Variants in PAK4 observed in about 807,000 individuals in gnomAD.
The protein encoded by PAK4 is serine/threonine-protein kinase PAK 4.
In PAK4, 49 loss-of-function variants were observed where a neutral mutation model predicts 53.5. The observed-to-expected ratio is 0.92, with a 90% CI of 0.73 to 1.16. The LOEUF is 1.16. PAK4 is among the 50% of genes most tolerant of loss of function. PAK4 has a pLI of 0.00. For synonymous variants in PAK4, 376 were observed against 375.6 expected, an observed-to-expected ratio of 1.00 and a Z score of -0.01; for missense variants, 824 against 850.7, an observed-to-expected ratio of 0.97 and a Z score of 0.39.
chr19:39,140,626 G>A (rs2073893490), intron 1 of PAK4, among the ~76,000 whole-genome samples: 1 of 152,156 alleles, frequency 6.6e-6, no homozygotes, highest in Non-Finnish European at 1.5e-5. Context: ...ATTATTTGAT[G>A]GGACTAGGGG....
intron 1 of PAK4, among the ~76,000 whole-genome samples, chr19:39,143,574 C>T (rs1427882305): frequency 1.0e-5 from 1 of 97,766 alleles, no homozygotes; most frequent in Non-Finnish European, 1.8e-5. Context: ...GCCTGGGTGA[C>T]AGAGCAAGAC....
rs1320327865 is a variant in PAK4, at chr19:39,173,503, GTCTC to G, written c.664-68_664-65del. 5 of 1,385,354 alleles carry G rather than the reference GTCTC, an allele frequency of 3.6e-6. No individual in the cohort carries two copies. The East Asian group carries it at 7.0e-5, about 19-fold the overall frequency. The allele number at this position is 1,385,354 out of a possible 1,614,324, so 85.8% of individuals were successfully genotyped here. A position where few individuals can be genotyped will look rare whatever the true frequency, so the allele number is the denominator to read the frequency against. On this transcript the variant is annotated intron_variant, in intron 3 of 8. Transcript: ENST00000358301. This position sits in a 1 kb window ranked among gnomAD's most constrained non-coding sequence, Gnocchi z 6.9. ...ACCCATGTGTCTGTCCCATCGCTGG[GTCTC>G]TCTCCTGCTTAGGGAGCAGAGCTGC...
Position 39,175,123 on chromosome 19 carries a change from G to C in PAK4, c.1232+59G>C. On this transcript the variant is annotated intron_variant, in intron 5 of 8. Transcript: ENST00000358301. The surrounding 1 kb of genome is among the most constrained non-coding windows in gnomAD (Gnocchi z 4.7). Reference sequence around the variant, plus strand: ...CGACCAAGTCCCCTCCAGACCACTAGGGGTGGGGCCACATCTCCAAACCAG... The same window carrying C: ...CGACCAAGTCCCCTCCAGACCACTACGGGTGGGGCCACATCTCCAAACCAG... 1 of 1,557,156 alleles carries C rather than the reference G, an allele frequency of 6.4e-7. No homozygotes were observed. The highest frequency in any genetic ancestry group is 1.2e-5 in the South Asian group (1 of 81,916).
chr19:39,156,742 A>AT (rs2074190044), intron 1 of PAK4: 1 of 152,102 alleles, frequency 6.6e-6, no homozygotes, highest in Non-Finnish European at 1.5e-5. Context: ...GCCCATGTTG[A>AT]GGGCCTGGGG....
At chr19:39,141,127 C>G (rs1168614568) in intron 1 of PAK4, among the ~76,000 whole-genome samples, 1 of 152,152 alleles carries the variant, frequency 6.6e-6, no homozygotes, top group South Asian at 2.1e-4. Flanking sequence ...AGAATAGTCT[C>G]GCGCCCTCCT....
At chr19:39,153,623 G>A (rs2074130071) in intron 1 of PAK4, among the ~76,000 whole-genome samples, 1 of 152,154 alleles carries the variant, frequency 6.6e-6, no homozygotes, top group Non-Finnish European at 1.5e-5. Flanking sequence ...TATATTTTTA[G>A]TAGAGACGGA....
At chr19:39,172,380 C>T (rs897214721) in intron 2 of PAK4, among the ~76,000 whole-genome samples, 12 of 152,142 alleles carry the variant, frequency 7.9e-5, no homozygotes, top group African/African-American at 2.9e-4. Context: ...ATTTGCCACC[C>T]GGCTCCTGGG....
In PAK4 at chr19:39,169,770, C is replaced by T. The variant is rs1304634843; in HGVS notation, c.204+13C>T. On this transcript the variant is annotated intron_variant, in intron 2 of 8. Coordinates refer to ENST00000358301, the Ensembl canonical transcript of PAK4. ...CGGGGCCCCCAAGGTATGTGGCACCCACCACCACCTCCCCCAGCCCACCCC... is the reference window on the plus strand; with the variant it reads ...CGGGGCCCCCAAGGTATGTGGCACCTACCACCACCTCCCCCAGCCCACCCC... 6.3e-7 allele frequency: 1 copy of T among 1,576,338 alleles called. No homozygotes were observed. Among genetic ancestry groups the T allele is most frequent in the East Asian group, 2.3e-5 (1 of 44,224 alleles).
chr19:39,143,877 TG>T, intron 1 of PAK4, among the ~76,000 whole-genome samples: 3 of 148,578 alleles, frequency 2.0e-5, no homozygotes, highest in African/African-American at 5.2e-5. Flanking sequence ...GAGGCTGAGG[TG>T]GGAGGATTGC....
rs2074578598 is a variant in PAK4, at chr19:39,175,211, G to A, written c.1233-101G>A. 36 of 1,471,720 alleles carry A rather than the reference G, an allele frequency of 2.4e-5. No homozygotes were observed. Among genetic ancestry groups the A allele is most frequent in the African/African-American group, 2.8e-5 (2 of 72,052 alleles). The allele number at this position is 1,471,720 out of a possible 1,614,324, so 91.2% of individuals were successfully genotyped here. ...ATTCCTCCCACTCCAGAGTGGGGTC[G>A]AGTGGTCTCAGATTCCTCCCACTGC... On this transcript the variant is annotated intron_variant, in intron 5 of 8. Coordinates refer to ENST00000358301, the Ensembl canonical transcript of PAK4. This position sits in a 1 kb window ranked among gnomAD's most constrained non-coding sequence, Gnocchi z 4.7.
chr19:39,173,772 C>T lies in PAK4; in HGVS notation c.860C>T (p.Pro287Leu). Reference sequence around the variant, plus strand: ...GCCGCCCCTGCTGTTCCTGGGCCCCCTGGCCCCCGCTCACCACAGCGGGAG... The same window carrying T: ...GCCGCCCCTGCTGTTCCTGGGCCCCTTGGCCCCCGCTCACCACAGCGGGAG... The change falls in exon 4 of 9, where the codon CCT becomes CTT. Residue 287 changes from proline to leucine, a missense_variant. Pro to Leu is a moderately conservative substitution (Grantham distance 98, BLOSUM62 -3). Transcript: ENST00000358301. This position sits in a 1 kb window ranked among gnomAD's most constrained non-coding sequence, Gnocchi z 6.9. The T allele has an allele frequency of 2.5e-6, 4 of 1,596,548 alleles. No individual in the cohort carries two copies. The highest frequency in any genetic ancestry group is 3.4e-6 in the Non-Finnish European group (4 of 1,173,016).
chr19:39,175,604 C>T lies in PAK4; in HGVS notation c.1359+166C>T, dbSNP rs564215642. Reference sequence around the variant, plus strand: ...TGGTGGAGCAGCCCAGAGTCAGGTTCCAGCTCAGTGGGGACTCTGTGCAGT... The same window carrying T: ...TGGTGGAGCAGCCCAGAGTCAGGTTTCAGCTCAGTGGGGACTCTGTGCAGT... On this transcript the variant is annotated intron_variant, in intron 6 of 8. Coordinates refer to ENST00000358301, the Ensembl canonical transcript of PAK4. The surrounding 1 kb of genome is among the most constrained non-coding windows in gnomAD (Gnocchi z 4.7). Among the ~76,000 whole-genome samples the T allele has an allele frequency of 6.6e-6, 1 of 152,292 alleles. No homozygotes were observed. The highest frequency in any genetic ancestry group is 2.1e-4 in the South Asian group (1 of 4,826).
chr19:39,151,366 C>T lies in PAK4; in HGVS notation c.-22-18166C>T, dbSNP rs758381471. Reference sequence around the variant, plus strand: ...GAGATCAGAGAGACTGGCCACGCCCCGTGCTGCAAGGCCGAGGGGAGATAG... The same window carrying T: ...GAGATCAGAGAGACTGGCCACGCCCTGTGCTGCAAGGCCGAGGGGAGATAG... On this transcript the variant is annotated intron_variant, in intron 1 of 8. Transcript: ENST00000358301. Among the ~76,000 whole-genome samples, 17 of 152,368 alleles carry T rather than the reference C, an allele frequency of 1.1e-4. No homozygotes were observed. In the East Asian group the frequency reaches 1.3e-3, roughly 12 times the overall value.
chr19:39,182,816 C>T (rs1485852883), downstream of PAK4: 2 of 116,896 alleles, frequency 1.7e-5, no homozygotes, highest in Non-Finnish European at 3.5e-5. Flanking sequence ...GAGATTCTGT[C>T]AAAAAAAAAA....
intron 1 of PAK4, among the ~76,000 whole-genome samples, chr19:39,137,870 G>A (rs1179584272): frequency 6.6e-6 from 1 of 152,014 alleles, no homozygotes; most frequent in Non-Finnish European, 1.5e-5. Flanking sequence ...GCTTTGCCGT[G>A]TTAGCCAGGA....
intron 1 of PAK4, among the ~76,000 whole-genome samples, chr19:39,133,332 A>G (rs181452442): frequency 5.9e-5 from 9 of 152,288 alleles, no homozygotes; most frequent in East Asian, 1.9e-4. Flanking sequence ...TATTATAGCT[A>G]TGTCACCAAT....
rs748235690 is a variant in PAK4, at chr19:39,173,268, C to T, written c.555C>T (p.Val185=). 5.0e-6 allele frequency: 8 copies of T among 1,599,516 alleles called. No homozygotes were observed. Among genetic ancestry groups the T allele is most frequent in the Middle Eastern group, 1.7e-4 (1 of 6,040 alleles). ...AACGCCCCCTCTCCGGGCCTGATGT[C>T]GGCACCCCCCAGCCTGCTGGTCTGG... The change falls in exon 3 of 9, where the codon GTC becomes GTT. Residue 185 remains valine (V), a synonymous_variant. Coordinates refer to ENST00000358301, the Ensembl canonical transcript of PAK4. This position sits in a 1 kb window ranked among gnomAD's most constrained non-coding sequence, Gnocchi z 6.9.
chr19:39,160,505 C>T (rs1775611752), intron 1 of PAK4, among the ~76,000 whole-genome samples: 1 of 152,126 alleles, frequency 6.6e-6, no homozygotes, highest in South Asian at 2.1e-4. Context: ...GTCAGGCAGC[C>T]TCTCGGAGGA....
intron 1 of PAK4, among the ~76,000 whole-genome samples, chr19:39,163,415 GT>G (rs1182769936): frequency 6.6e-6 from 1 of 152,122 alleles, no homozygotes; most frequent in Non-Finnish European, 1.5e-5. Flanking sequence ...GGAGGTAAGG[GT>G]TTTTGCACGC....
Sources: allele counts gnomAD v4.1 joint callset (sites outside exome capture counted in the v4.1 genomes callset), GRCh38; gene constraint gnomAD v4.1.1; non-coding constraint Gnocchi (gnomAD v3.1); transcripts MANE v1.5; gene names NCBI Gene and HGNC (gene_info 2026-07-23, HGNC 2026-07-21).